Variants in CNTNAP2 observed in about 807,000 individuals in gnomAD.
CNTNAP2 encodes the protein contactin associated protein 2.
Under a neutral mutation model 155.2 loss-of-function variants are expected in CNTNAP2, and 98 were observed. The observed-to-expected ratio is 0.63, with a 90% CI of 0.54 to 0.75. CNTNAP2 has a LOEUF of 0.75. CNTNAP2 is among the 30% of genes least tolerant of loss of function. CNTNAP2 has a pLI of 0.00. For synonymous variants in CNTNAP2, 651 were observed against 631.2 expected (o/e 1.03, Z -0.47); for missense variants, 1,727 against 1,688.1 (o/e 1.02, Z -0.40).
intron 8 of CNTNAP2, among the ~76,000 whole-genome samples, chr7:147,291,878 C>A (rs989818895): frequency 2.0e-5 from 3 of 152,024 alleles, no homozygotes; most frequent in Non-Finnish European, 4.4e-5. Flanking sequence ...ATATAAAGCA[C>A]TTTTTAATGT....
intron 1 of CNTNAP2, among the ~76,000 whole-genome samples, chr7:146,646,504 T>C (rs1479652297): frequency 2.0e-5 from 3 of 152,174 alleles, no homozygotes; most frequent in African/African-American, 7.2e-5. Context: ...AACATAAATA[T>C]ACATTATAGG....
At chr7:147,111,098 G>A (rs1256330358) in intron 5 of CNTNAP2, among the ~76,000 whole-genome samples, 3 of 152,110 alleles carry the variant, frequency 2.0e-5, no homozygotes, top group Non-Finnish European at 4.4e-5. Flanking sequence ...TCTCATTGCA[G>A]TTTTGATTTG....
At chr7:147,773,107 G>T (rs1253089964) in intron 13 of CNTNAP2, among the ~76,000 whole-genome samples, 2 of 152,182 alleles carry the variant, frequency 1.3e-5, no homozygotes, top group Non-Finnish European at 2.9e-5. Context: ...ATGCCTAGCA[G>T]AAGGCCTAGC....
chr7:147,960,297 A>T (rs1801093421), intron 14 of CNTNAP2, among the ~76,000 whole-genome samples: 1 of 152,188 alleles, frequency 6.6e-6, no homozygotes, highest in Non-Finnish European at 1.5e-5. Flanking sequence ...GTAACTGATG[A>T]GTGAGCAGGA....
rs879600389 is a variant in CNTNAP2 at position 146,638,476 on chromosome 7, C to CTTTTTTTTTTTTTTTTTT, written c.98-135790_98-135773dup. On this transcript the variant is annotated intron_variant, in intron 1 of 23. Transcript: ENST00000361727. Reference sequence around the variant, plus strand: ...AACAGTTTAATACAGTCAGGTGTTTCTTTTTTTTTTTTTTTTTTTTTTCTT... The same window carrying CTTTTTTTTTTTTTTTTTT: ...AACAGTTTAATACAGTCAGGTGTTTCTTTTTTTTTTTTTTTTTTTTTTTTTTTTTTTTTTTTTTTTCTT... Among the ~76,000 whole-genome samples, 59 of 64,330 alleles carry CTTTTTTTTTTTTTTTTTT rather than the reference C, an allele frequency of 9.2e-4. 5 individuals are homozygous for CTTTTTTTTTTTTTTTTTT. Among genetic ancestry groups the CTTTTTTTTTTTTTTTTTT allele is most frequent in the East Asian group, 5.3e-3 (10 of 1,884 alleles). 42.2% of individuals were successfully genotyped at this position (64,330 alleles called of 152,430 possible). A position where few individuals can be genotyped will look rare whatever the true frequency, so the allele number is the denominator to read the frequency against.
intron 8 of CNTNAP2, among the ~76,000 whole-genome samples, chr7:147,204,162 C>T (rs972021146): frequency 6.6e-6 from 1 of 151,302 alleles, no homozygotes; most frequent in African/African-American, 2.4e-5. Flanking sequence ...ATAGATTATT[C>T]TGAAAGAAAA....
intron 1 of CNTNAP2, among the ~76,000 whole-genome samples, chr7:146,634,150 T>G (rs1389670109): frequency 6.6e-6 from 1 of 152,240 alleles, no homozygotes; most frequent in Non-Finnish European, 1.5e-5. Flanking sequence ...TTGCCAATTA[T>G]GTACAAAGAC....
intron 15 of CNTNAP2, among the ~76,000 whole-genome samples, chr7:148,012,498 G>A (rs1277958638): frequency 6.6e-6 from 1 of 152,190 alleles, no homozygotes; most frequent in African/African-American, 2.4e-5. Flanking sequence ...CCTTGTGCCT[G>A]TAGGTAACAA....
intron 3 of CNTNAP2, among the ~76,000 whole-genome samples, chr7:146,851,143 C>T (rs934073086): frequency 6.6e-5 from 10 of 152,098 alleles, no homozygotes; most frequent in Non-Finnish European, 1.2e-4. Context: ...TGCCACCACA[C>T]CCGGCTAATT....
At position 147,746,665 on chromosome 7, in the gene CNTNAP2, A is replaced by G. The variant is rs555326886; in HGVS notation, c.2098+107359A>G. ...AAGAATAAGGCAGGAGTTCTCATTG[A>G]CACCAATGGGACCAATTGTTTTCTC... On this transcript the variant is annotated intron_variant, in intron 13 of 23. Coordinates refer to ENST00000361727, the MANE Select transcript of CNTNAP2 (RefSeq NM_014141.6). 1.6e-4 allele frequency among the ~76,000 whole-genome samples: 24 copies of G among 152,190 alleles called. 2 individuals are homozygous for G. The South Asian group carries it at 4.6e-3, about 29-fold the overall frequency.
chr7:147,469,821 G>T (rs563687985), intron 10 of CNTNAP2, among the ~76,000 whole-genome samples: 2 of 152,148 alleles, frequency 1.3e-5, no homozygotes, highest in African/African-American at 4.8e-5. Flanking sequence ...CCCGGCCCAG[G>T]CTGCAATTTT....
At chr7:146,685,528 T>C (rs770228952) in intron 1 of CNTNAP2, among the ~76,000 whole-genome samples, 5 of 152,212 alleles carry the variant, frequency 3.3e-5, no homozygotes, top group Admixed American at 6.5e-5. Flanking sequence ...TTCTCAGATA[T>C]GACTTTTGTG....
intron 3 of CNTNAP2, among the ~76,000 whole-genome samples, chr7:146,960,732 T>G (rs1797540750): frequency 6.6e-6 from 1 of 152,240 alleles, no homozygotes; most frequent in Admixed American, 6.5e-5. Flanking sequence ...TTCAATATTG[T>G]AATTTCAGCC....
intron 1 of CNTNAP2, among the ~76,000 whole-genome samples, chr7:146,706,775 C>T (rs958299880): frequency 3.3e-5 from 5 of 151,846 alleles, no homozygotes; most frequent in South Asian, 2.1e-4. Flanking sequence ...AGAGAGTGGA[C>T]GGTGGGAGCA....
At chr7:146,927,848 A>G (rs1796638856) in intron 3 of CNTNAP2, among the ~76,000 whole-genome samples, 1 of 151,828 alleles carries the variant, frequency 6.6e-6, no homozygotes, top group African/African-American at 2.4e-5. Flanking sequence ...TGTAAATGGA[A>G]TAATCAGGAC....
intron 14 of CNTNAP2, among the ~76,000 whole-genome samples, chr7:147,907,883 G>T (rs1373862631): frequency 6.6e-6 from 1 of 151,614 alleles, no homozygotes; most frequent in East Asian, 1.9e-4. Flanking sequence ...CAGTCTCATG[G>T]CTCAGCCTCC....
At chr7:148,117,545 A>G (rs1804501000) in intron 15 of CNTNAP2, among the ~76,000 whole-genome samples, 1 of 152,200 alleles carries the variant, frequency 6.6e-6, no homozygotes, top group Non-Finnish European at 1.5e-5. Flanking sequence ...GAGGTGGATG[A>G]AAAGCAAGAG....
intron 12 of CNTNAP2, among the ~76,000 whole-genome samples, chr7:147,634,270 G>A (rs116353028): frequency 0.024 from 3,600 of 152,222 alleles, 245 homozygotes; most frequent in Admixed American, 0.15. Context: ...AATACTACTC[G>A]TCATAAAAAG....
intron 1 of CNTNAP2, among the ~76,000 whole-genome samples, chr7:146,676,100 A>C (rs1440420796): frequency 6.6e-6 from 1 of 152,130 alleles, no homozygotes; most frequent in African/African-American, 2.4e-5. Flanking sequence ...AATATTCTAA[A>C]ATATCGTTCT....
Sources: allele counts gnomAD v4.1 joint callset (sites outside exome capture counted in the v4.1 genomes callset), GRCh38; gene constraint gnomAD v4.1.1; transcripts MANE v1.5; gene names NCBI Gene and HGNC (gene_info 2026-07-23, HGNC 2026-07-21).